Variants in ANXA4 observed in about 807,000 individuals in gnomAD.
The protein encoded by ANXA4 is annexin A4, also known as 35-beta calcimedin.
Under a neutral mutation model 49.8 loss-of-function variants are expected in ANXA4, and 39 were observed. The observed-to-expected ratio is 0.78, with a 90% CI of 0.61 to 1.02. ANXA4 has a LOEUF of 1.02. ANXA4 is among the 50% of genes least tolerant of loss of function. ANXA4 has a pLI of 0.00. For synonymous variants in ANXA4, 134 were observed against 152.5 expected, an observed-to-expected ratio of 0.88 and a Z score of 0.89; for missense variants, 360 against 410.1, an observed-to-expected ratio of 0.88 and a Z score of 1.05.
intron 2 of ANXA4, among the ~76,000 whole-genome samples, chr2:69,694,001 G>A (rs1423493984): frequency 6.6e-6 from 1 of 151,978 alleles, no homozygotes; most frequent in Non-Finnish European, 1.5e-5. Flanking sequence ...GAGAAACCAG[G>A]TTACGCATGG....
At chr2:69,737,088 C>T, upstream of ANXA4, among the ~76,000 whole-genome samples, 1 of 152,168 alleles carries the variant, frequency 6.6e-6, no homozygotes, top group Admixed American at 6.5e-5. Flanking sequence ...CAGGTGTGAG[C>T]CACTGCACCC....
At position 69,788,114 on chromosome 2, in the gene ANXA4, A is replaced by T; in HGVS notation, c.70A>T (p.Thr24Ser). ...ATTCAATGCCATGGAAGATGCCCAG[A>T]CCCTGAGGAAGGCCATGAAAGGGCT... is the stretch of plus-strand genomic sequence containing the variant. ...SGFNAMEDAQ[T>S]LRKAMKGLGT... Residue 24 changes from threonine (T) to serine (S), a missense_variant, in exon 3 of 13, where the codon ACC becomes TCC. Thr to Ser is a moderately conservative substitution (Grantham distance 58, BLOSUM62 1). Transcript: ENST00000394295. 1 of 1,614,018 alleles carries T rather than the reference A, an allele frequency of 6.2e-7. No homozygotes were observed. Among genetic ancestry groups the T allele is most frequent in the Non-Finnish European group, 8.5e-7 (1 of 1,179,944 alleles).
intron 3 of ANXA4, among the ~76,000 whole-genome samples, chr2:69,799,101 G>A (rs1045537633): frequency 1.3e-5 from 2 of 152,296 alleles, no homozygotes; most frequent in Admixed American, 6.5e-5. Context: ...GTTTAGCTGC[G>A]ACCAAGTGTG....
At chr2:69,814,556 C>G (rs1402454760) in intron 8 of ANXA4, among the ~76,000 whole-genome samples, 1 of 151,628 alleles carries the variant, frequency 6.6e-6, no homozygotes, top group East Asian at 1.9e-4. Flanking sequence ...GCCATATTGC[C>G]CAGGCTGGTC....
chr2:69,726,862 G>A (rs975343806), intron 3 of ANXA4, among the ~76,000 whole-genome samples: 11 of 152,054 alleles, frequency 7.2e-5, no homozygotes, highest in African/African-American at 2.2e-4. Flanking sequence ...ACTATGCCAC[G>A]GTCTATTCAT....
intron 2 of ANXA4, among the ~76,000 whole-genome samples, chr2:69,701,453 G>A (rs72837999): frequency 0.07 from 10,666 of 152,088 alleles, 415 homozygotes; most frequent in African/African-American, 0.089. Context: ...TTGTAAAAGC[G>A]GAATCATTTG....
chr2:69,682,234 T>A (rs1677624524), intron 2 of ANXA4, among the ~76,000 whole-genome samples: 1 of 152,182 alleles, frequency 6.6e-6, no homozygotes, highest in East Asian at 1.9e-4. Flanking sequence ...AGGTGTTTAT[T>A]GATATAAACT....
intron 3 of ANXA4, among the ~76,000 whole-genome samples, chr2:69,733,775 A>G (rs1262159136): frequency 6.6e-6 from 1 of 152,106 alleles, no homozygotes; most frequent in African/African-American, 2.4e-5. Context: ...GCTGTTTAAA[A>G]TTTACTTTTG....
At chr2:69,818,802 T>A in intron 10 of ANXA4, 108 bp downstream of exon 10, 2 of 687,272 alleles carry the variant, frequency 2.9e-6, no homozygotes, top group Non-Finnish European at 4.9e-6. Flanking sequence ...AAGTTGTTTA[T>A]CATGAATCAC....
At chr2:69,686,125 A>G (rs768006462) in intron 2 of ANXA4, among the ~76,000 whole-genome samples, 8 of 152,160 alleles carry the variant, frequency 5.3e-5, no homozygotes, top group Admixed American at 6.5e-5. Context: ...AGGCTTATGT[A>G]ATTTAACTTT....
intron 1 of ANXA4, among the ~76,000 whole-genome samples, chr2:69,762,741 A>G (rs1429022544): frequency 1.3e-5 from 2 of 152,128 alleles, no homozygotes; most frequent in African/African-American, 2.4e-5. Context: ...AGGGCCAGCT[A>G]TGGGCCTACC....
intron 1 of ANXA4, among the ~76,000 whole-genome samples, chr2:69,764,864 C>T (rs1671436844): frequency 6.6e-6 from 1 of 152,142 alleles, no homozygotes. Context: ...CCCTTTCCTC[C>T]AGCATTATCA....
chr2:69,756,711 A>C (rs537202331), intron 1 of ANXA4, among the ~76,000 whole-genome samples: 1 of 152,196 alleles, frequency 6.6e-6, no homozygotes, highest in South Asian at 2.1e-4. Flanking sequence ...AATTTTGACT[A>C]TACAAAACTA....
At chr2:69,676,367 C>T (rs1343805304) in intron 2 of ANXA4, among the ~76,000 whole-genome samples, 1 of 152,104 alleles carries the variant, frequency 6.6e-6, no homozygotes. Flanking sequence ...TTCAAAGTCT[C>T]ATGCGTAGTG....
chr2:69,699,142 G>T (rs1438276990), intron 2 of ANXA4, among the ~76,000 whole-genome samples: 1 of 152,202 alleles, frequency 6.6e-6, no homozygotes, highest in Non-Finnish European at 1.5e-5. Context: ...AGTGTGTGGG[G>T]TGGGGTCTAG....
At chr2:69,792,182 TA>T (rs1672722881) in intron 3 of ANXA4, among the ~76,000 whole-genome samples, 1 of 152,236 alleles carries the variant, frequency 6.6e-6, no homozygotes, top group African/African-American at 2.4e-5. Flanking sequence ...ATTTAAAATT[TA>T]AAACACTTGA....
At chr2:69,705,061 G>A (rs1212723641) in intron 2 of ANXA4, among the ~76,000 whole-genome samples, 1 of 152,056 alleles carries the variant, frequency 6.6e-6, no homozygotes, top group Non-Finnish European at 1.5e-5. Flanking sequence ...TGAGGGAGGA[G>A]GATCACTGGA....
chr2:69,738,801 GGTACCCAATATGTGA>G (rs553386711), upstream of ANXA4, among the ~76,000 whole-genome samples: 67 of 152,242 alleles, frequency 4.4e-4, no homozygotes, highest in African/African-American at 1.5e-3. Context: ...TTCTTATCAT[GGTACCCAATATGTGA>G]GTTCTCCAGA....
chr2:69,801,241 G>A lies in ANXA4; in HGVS notation c.98-3292G>A, dbSNP rs1229407118. On this transcript the variant is annotated intron_variant, in intron 3 of 12. Coordinates refer to ENST00000394295, the MANE Select transcript of ANXA4 (RefSeq NM_001153.5). ...CAGGTAGCCCTTTTCTGTTGGTACA[G>A]CGGCCAGCATTCCCTTGTGCAAGCT... Among the ~76,000 whole-genome samples, 7 of 152,166 alleles carry A rather than the reference G, an allele frequency of 4.6e-5. No homozygotes were observed. The East Asian group carries it at 9.6e-4, about 21-fold the overall frequency.
Sources: gnomAD v4.1 joint callset for allele counts (sites outside exome capture counted in the v4.1 genomes callset) on GRCh38, gnomAD v4.1.1 for gene constraint, MANE v1.5 for transcripts, NCBI Gene and HGNC (gene_info 2026-07-23, HGNC 2026-07-21) for gene names.